TSHR: variants seen among roughly 807,000 people sequenced by gnomAD.
TSHR encodes thyrotropin receptor.
A neutral mutation model predicts 64.1 loss-of-function variants in TSHR; 51 were observed. The ratio of observed to expected loss-of-function variants is 0.80; its 90% CI spans 0.64 to 1.01. The LOEUF is 1.01. Ranked by LOEUF, TSHR falls within the 50% of genes least tolerant of loss-of-function variation. The pLI is 0.00. For synonymous variants in TSHR, 361 were observed against 361.9 expected, an observed-to-expected ratio of 1.00 and a Z score of 0.03; for missense variants, 877 against 942.8, an observed-to-expected ratio of 0.93 and a Z score of 0.91.
chr14:81,091,637 T>C (rs1170445355), intron 5 of TSHR, among the ~76,000 whole-genome samples: 4 of 152,250 alleles, frequency 2.6e-5, no homozygotes, highest in Non-Finnish European at 5.9e-5. Flanking sequence ...AGAGTTTTAA[T>C]AGTTTTTTAA....
At chr14:81,115,689 G>T (rs1046831674) in intron 8 of TSHR, among the ~76,000 whole-genome samples, 34 of 151,980 alleles carry the variant, frequency 2.2e-4, no homozygotes, top group Non-Finnish European at 2.4e-4. Context: ...ATGCCACAAA[G>T]ATACTCCTCG....
At chr14:81,096,470 T>C (rs929463072) in intron 6 of TSHR, among the ~76,000 whole-genome samples, 169 bp from the exon 7 acceptor site, 2 of 152,240 alleles carry the variant, frequency 1.3e-5, no homozygotes, top group African/African-American at 4.8e-5. Context: ...AAATATTATC[T>C]TGTTTCCAAC....
At chr14:81,020,825 G>A (rs1168441349) in intron 1 of TSHR, among the ~76,000 whole-genome samples, 1 of 152,194 alleles carries the variant, frequency 6.6e-6, no homozygotes, top group East Asian at 1.9e-4. Context: ...CTGGATTGAA[G>A]TCAAGGCAGA....
At chr14:81,123,479 G>A (rs917035447) in intron 8 of TSHR, among the ~76,000 whole-genome samples, 2 of 152,170 alleles carry the variant, frequency 1.3e-5, no homozygotes, top group African/African-American at 4.8e-5. Flanking sequence ...ACAGAAGACA[G>A]AAAGTGCTCA....
chr14:81,096,519 G>A, intron 6 of TSHR, 120 bp from the exon 7 acceptor site: 1 of 926,510 alleles, frequency 1.1e-6, no homozygotes, highest in Non-Finnish European at 1.7e-6. Context: ...ATACATATGT[G>A]GGACCTGAAA....
intron 8 of TSHR, among the ~76,000 whole-genome samples, chr14:81,122,874 C>T (rs1890863733): frequency 6.6e-6 from 1 of 152,152 alleles, no homozygotes; most frequent in Admixed American, 6.5e-5. Flanking sequence ...CCTGTAATCC[C>T]AGCACTTTGG....
intron 8 of TSHR, among the ~76,000 whole-genome samples, chr14:81,121,137 A>T (rs1340985095): frequency 1.3e-5 from 2 of 152,016 alleles, no homozygotes; most frequent in Non-Finnish European, 2.9e-5. Context: ...AAAGAAAATG[A>T]ATTTTCAGAA....
intron 1 of TSHR, among the ~76,000 whole-genome samples, chr14:81,047,765 G>C (rs1885240722): frequency 6.7e-6 from 1 of 149,630 alleles, no homozygotes; most frequent in Non-Finnish European, 1.5e-5. Context: ...TCCTGCCTCA[G>C]CCTCCCGAGT....
chr14:81,048,303 G>A (rs1023979231), intron 1 of TSHR, among the ~76,000 whole-genome samples: 37 of 152,006 alleles, frequency 2.4e-4, no homozygotes, highest in Admixed American at 3.9e-4. Flanking sequence ...CAATAAGGTC[G>A]TTTTGTTATA....
intron 8 of TSHR, among the ~76,000 whole-genome samples, chr14:81,114,861 G>T (rs532471327): frequency 2.6e-5 from 4 of 152,150 alleles, no homozygotes; most frequent in Non-Finnish European, 4.4e-5. Flanking sequence ...TCCTCAAGTG[G>T]GTCCCTGACC....
At chr14:81,044,849 C>A (rs2139853872) in intron 1 of TSHR, among the ~76,000 whole-genome samples, 1 of 152,218 alleles carries the variant, frequency 6.6e-6, no homozygotes, top group East Asian at 1.9e-4. Flanking sequence ...GGTGATTCCT[C>A]AACAATGTAG....
In TSHR at chr14:81,087,947, T is replaced by C; in HGVS notation, c.318-7T>C. 1 of 1,605,748 alleles carries C rather than the reference T, an allele frequency of 6.2e-7. No homozygotes were observed. Among genetic ancestry groups the C allele is most frequent in the Non-Finnish European group, 8.5e-7 (1 of 1,172,294 alleles). Reference sequence around the variant, plus strand: ...TATAGTGACTGTGTTCCTTGTAACTTATACAGAGAAATTCGGAATACCAGG... The same window carrying C: ...TATAGTGACTGTGTTCCTTGTAACTCATACAGAGAAATTCGGAATACCAGG... On this transcript the variant is annotated splice_region_variant and splice_polypyrimidine_tract_variant and intron_variant, in intron 3 of 9. Transcript: ENST00000298171.
intron 8 of TSHR, among the ~76,000 whole-genome samples, chr14:81,138,157 G>A (rs982848222): frequency 2.6e-5 from 4 of 151,870 alleles, no homozygotes; most frequent in Admixed American, 2.6e-4. Context: ...AAATCACCTG[G>A]GAATAATACA....
intron 1 of TSHR, among the ~76,000 whole-genome samples, chr14:80,973,403 CAAAAAAAAA>C (rs58316010): frequency 1.1e-3 from 56 of 51,452 alleles, no homozygotes; most frequent in African/African-American, 2.5e-3. Flanking sequence ...GACGCTGTCT[CAAAAAAAAA>C]AAAAAAAAAA....
At position 81,144,862 on chromosome 14, in the gene TSHR, C is replaced by G. The variant is rs1361182149; in HGVS notation, c.*509C>G. On this transcript the variant is annotated 3_prime_UTR_variant, in exon 10 of 10. Transcript: ENST00000298171. The stretch of plus-strand genomic sequence containing the variant: ...AAACTGAAAAGCCAAACACAGCTAG[C>G]TGTCATACAAGAAACAGCTATTATG... 3 of 238,468 alleles carry G rather than the reference C, an allele frequency of 1.3e-5. No homozygotes were observed. The highest frequency in any genetic ancestry group is 4.4e-5 in the African/African-American group (2 of 45,348). 14.8% of individuals were successfully genotyped at this position (238,468 alleles called of 1,614,324 possible).
intron 1 of TSHR, among the ~76,000 whole-genome samples, chr14:81,016,280 A>C (rs1165150136): frequency 6.6e-6 from 1 of 152,040 alleles, no homozygotes; most frequent in Non-Finnish European, 1.5e-5. Context: ...ACCTTCACCA[A>C]CATTTATCTC....
Position 81,143,568 on chromosome 14 carries a change from G to T in TSHR, c.1510G>T (p.Ala504Ser), listed in dbSNP as rs768277965. 1 of 1,613,164 alleles carries T rather than the reference G, an allele frequency of 6.2e-7. No homozygotes were observed. The highest frequency in any genetic ancestry group is 8.5e-7 in the Non-Finnish European group (1 of 1,180,034). ...CNTAGFFTVF[A>S]SELSVYTLTV... ...CACGGCTGGTTTCTTCACTGTCTTT[G>T]CAAGCGAGTTATCGGTGTATACGCT... The change falls in exon 10 of 10, where the codon GCA becomes TCA. Residue 504 changes from alanine to serine, a missense_variant. Physicochemically the swap from Ala to Ser is moderately conservative, Grantham distance 99 (BLOSUM62 1). Coordinates refer to ENST00000298171, the MANE Select transcript of TSHR (RefSeq NM_000369.5).
chr14:81,048,546 C>G (rs913393828), intron 1 of TSHR, among the ~76,000 whole-genome samples: 2 of 152,100 alleles, frequency 1.3e-5, no homozygotes, highest in African/African-American at 4.8e-5. Context: ...AAGGCTGGTT[C>G]CTACTTTGCT....
At chr14:81,073,431 T>A (rs2139926503) in intron 3 of TSHR, among the ~76,000 whole-genome samples, 1 of 152,202 alleles carries the variant, frequency 6.6e-6, no homozygotes, top group African/African-American at 2.4e-5. Flanking sequence ...TATATTCTTT[T>A]CAAAGACACA....
Sources: allele counts gnomAD v4.1 joint callset (sites outside exome capture counted in the v4.1 genomes callset), GRCh38; gene constraint gnomAD v4.1.1; transcripts MANE v1.5; gene names NCBI Gene and HGNC (gene_info 2026-07-23, HGNC 2026-07-21).